Variants in NRG1 observed in about 807,000 individuals in gnomAD.
The protein encoded by NRG1 is neuregulin 1, also known as pro-neuregulin-1, membrane-bound isoform.
Under a neutral mutation model 63.8 loss-of-function variants are expected in NRG1, and 18 were observed. That is an observed-to-expected ratio of 0.28 (90% CI 0.19 to 0.42). The LOEUF is 0.42. Among genes scored for constraint, NRG1 ranks in the 10% least tolerant of loss-of-function variants. The pLI, the probability that NRG1 is intolerant of heterozygous loss-of-function variation, is 1.00. For synonymous variants in NRG1, 302 were observed against 301.3 expected (o/e 1.00, Z -0.02); for missense variants, 762 against 814.7 (o/e 0.94, Z 0.79).
chr8:32,377,585 A>C (rs1563381193), intron 1 of NRG1, among the ~76,000 whole-genome samples: 1 of 152,198 alleles, frequency 6.6e-6, no homozygotes, highest in Non-Finnish European at 1.5e-5. Flanking sequence ...TTTCACATGA[A>C]ATTTATTCAA....
chr8:31,679,154 C>T (rs2131048173), intron 1 of NRG1, among the ~76,000 whole-genome samples: 1 of 151,806 alleles, frequency 6.6e-6, no homozygotes, highest in South Asian at 2.1e-4. Flanking sequence ...TGTCTGTTTC[C>T]TTTCCTCCCT....
chr8:32,156,686 C>T (rs1423225295), intron 1 of NRG1, among the ~76,000 whole-genome samples: 1 of 152,210 alleles, frequency 6.6e-6, no homozygotes, highest in Non-Finnish European at 1.5e-5. Context: ...ACTGATGTGC[C>T]TAACAGGATA....
chr8:32,633,492 T>C lies in NRG1; in HGVS notation c.502+16607T>C, dbSNP rs1039533871. 1.6e-4 allele frequency among the ~76,000 whole-genome samples: 24 copies of C among 152,178 alleles called. 1 individual carries two copies. Among genetic ancestry groups the C allele is most frequent in the Non-Finnish European group, 4.4e-5 (3 of 68,030 alleles). ...CAAAACACTATCAGAAGAAAACATT[T>C]CCATAACTGGATCCGGAGTGAAGGA... On this transcript the variant is annotated intron_variant, in intron 5 of 11. Coordinates refer to ENST00000356819, the Ensembl canonical transcript of NRG1.
At chr8:32,740,489 G>A (rs1217080801) in intron 6 of NRG1, among the ~76,000 whole-genome samples, 5 of 152,172 alleles carry the variant, frequency 3.3e-5, no homozygotes, top group Admixed American at 6.5e-5. Flanking sequence ...GAGCCACTGC[G>A]CCCGGCCAAG....
At chr8:31,840,489 G>C (rs1826097236) in intron 1 of NRG1, among the ~76,000 whole-genome samples, 1 of 151,356 alleles carries the variant, frequency 6.6e-6, no homozygotes, top group Non-Finnish European at 1.5e-5. Flanking sequence ...CCCTGCCTTT[G>C]TCTCTCATGT....
At chr8:32,122,370 A>G (rs1160466480) in intron 1 of NRG1, among the ~76,000 whole-genome samples, 1 of 151,916 alleles carries the variant, frequency 6.6e-6, no homozygotes, top group Non-Finnish European at 1.5e-5. Flanking sequence ...TATAATAGCT[A>G]TTTAGATGGC....
chr8:32,413,991 G>T (rs185265509), intron 1 of NRG1, among the ~76,000 whole-genome samples: 1 of 150,900 alleles, frequency 6.6e-6, no homozygotes, highest in East Asian at 1.9e-4. Context: ...ATATCACATC[G>T]TTCAGAAGAG....
chr8:32,202,236 G>GT (rs1586052439), intron 1 of NRG1, among the ~76,000 whole-genome samples: 2 of 152,242 alleles, frequency 1.3e-5, no homozygotes. Flanking sequence ...GCCCTTCAAG[G>GT]TACTTTAAAA....
At chr8:31,710,007 A>G (rs1407517331) in intron 1 of NRG1, among the ~76,000 whole-genome samples, 4 of 150,422 alleles carry the variant, frequency 2.7e-5, no homozygotes, top group Admixed American at 1.3e-4. Context: ...CAATTTCCTT[A>G]TTTTCTTTAT....
intron 1 of NRG1, among the ~76,000 whole-genome samples, chr8:32,100,322 A>G (rs1438786303): frequency 6.6e-6 from 1 of 152,234 alleles, no homozygotes; most frequent in Admixed American, 6.5e-5. Flanking sequence ...ACTTTACAAT[A>G]CATAAAGCAC....
intron 1 of NRG1, among the ~76,000 whole-genome samples, chr8:31,778,533 G>C (rs1023052737): frequency 2.6e-5 from 4 of 152,190 alleles, no homozygotes; most frequent in African/African-American, 7.2e-5. Context: ...CTGTAGAACT[G>C]TACATCTAGT....
intron 1 of NRG1, among the ~76,000 whole-genome samples, chr8:31,860,212 T>C (rs1428311855): frequency 6.6e-6 from 1 of 152,202 alleles, no homozygotes; most frequent in South Asian, 2.1e-4. Flanking sequence ...ATGGATACTA[T>C]TATGATTAAT....
At chr8:32,611,691 T>A (rs1846383491) in intron 3 of NRG1, among the ~76,000 whole-genome samples, 1 of 152,058 alleles carries the variant, frequency 6.6e-6, no homozygotes, top group Admixed American at 6.6e-5. Context: ...AATAAATATG[T>A]CCACTTTTAA....
At chr8:32,725,501 A>T (rs1479151917) in intron 5 of NRG1, among the ~76,000 whole-genome samples, 1 of 77,366 alleles carries the variant, frequency 1.3e-5, no homozygotes, top group African/African-American at 4.8e-5. Flanking sequence ...TTTGAGACAG[A>T]GTTTCTCTCT....
chr8:32,764,420 A>G lies in NRG1; in HGVS notation c.*18A>G, dbSNP rs778559754. The G allele has an allele frequency of 1.5e-5, 23 of 1,514,670 alleles. No individual in the cohort carries two copies. In the African/African-American group the frequency reaches 2.9e-4, roughly 19 times the overall value. The allele number at this position is 1,514,670 out of a possible 1,614,324, so 93.8% of individuals were successfully genotyped here. ...CTGTATAAAACCTAAATAAACACAT[A>G]GATTCACCTGTAAAACTTTATTTTA... On this transcript the variant is annotated 3_prime_UTR_variant, in exon 12 of 12. Transcript: ENST00000356819.
At chr8:32,194,578 A>G (rs182268220) in intron 1 of NRG1, among the ~76,000 whole-genome samples, 91 of 152,204 alleles carry the variant, frequency 6.0e-4, no homozygotes, top group African/African-American at 2.0e-3. Flanking sequence ...CCCAGTAGAC[A>G]CTGGGAGGAC....
chr8:32,753,977 G>T (rs1211607181), intron 7 of NRG1, among the ~76,000 whole-genome samples: 5 of 151,892 alleles, frequency 3.3e-5, no homozygotes, highest in Non-Finnish European at 7.4e-5. Flanking sequence ...GTTGATTCCT[G>T]TTGTCTTTGC....
chr8:31,937,566 A>T (rs986384984), intron 1 of NRG1, among the ~76,000 whole-genome samples: 5 of 152,178 alleles, frequency 3.3e-5, no homozygotes, highest in African/African-American at 1.2e-4. Flanking sequence ...GAGATGTCGA[A>T]AAACTGTGAG....
intron 1 of NRG1, among the ~76,000 whole-genome samples, chr8:32,557,806 C>T (rs969075792): frequency 6.6e-6 from 1 of 151,986 alleles, no homozygotes. Context: ...AATTTGAATA[C>T]TGAGTTGAAT....
Sources: allele counts gnomAD v4.1 joint callset (sites outside exome capture counted in the v4.1 genomes callset), GRCh38; gene constraint gnomAD v4.1.1; transcripts MANE v1.5; gene names NCBI Gene and HGNC (gene_info 2026-07-23, HGNC 2026-07-21).